The following ZNF804B variants were observed in gnomAD, a reference collection of about 807,000 sequenced individuals.
The protein encoded by ZNF804B is zinc finger 804B.
Under a neutral mutation model 101.4 loss-of-function variants are expected in ZNF804B, and 80 were observed. The ratio of observed to expected loss-of-function variants is 0.79; its 90% CI spans 0.66 to 0.95. The LOEUF is 0.95. ZNF804B is among the 40% of genes least tolerant of loss of function. ZNF804B has a pLI of 0.00. For synonymous variants in ZNF804B, 622 were observed against 558.8 expected, an observed-to-expected ratio of 1.11 and a Z score of -1.59; for missense variants, 1,673 against 1,561.9, an observed-to-expected ratio of 1.07 and a Z score of -1.20.
intron 2 of ZNF804B, among the ~76,000 whole-genome samples, chr7:89,266,807 C>A (rs1472206953): frequency 1.3e-5 from 2 of 151,728 alleles, no homozygotes; most frequent in Non-Finnish European, 2.9e-5. Context: ...AATTATTTAT[C>A]CTTTTCAGGA....
chr7:89,316,896 A>G (rs1299150891), intron 2 of ZNF804B, among the ~76,000 whole-genome samples: 5 of 152,188 alleles, frequency 3.3e-5, no homozygotes, highest in Non-Finnish European at 5.9e-5. Flanking sequence ...GAAACAGGAA[A>G]AACAAGGAAA....
intron 2 of ZNF804B, among the ~76,000 whole-genome samples, chr7:89,319,124 T>C (rs1209172685): frequency 6.6e-6 from 1 of 152,122 alleles, no homozygotes; most frequent in East Asian, 1.9e-4. Context: ...CTCGTTCCTG[T>C]AAACCCACAA....
intron 2 of ZNF804B, among the ~76,000 whole-genome samples, chr7:89,285,546 A>AAGAAGAAGAAG (rs1554389598): frequency 1.1e-5 from 1 of 93,422 alleles, no homozygotes; most frequent in Admixed American, 1.2e-4. Context: ...AAAAAAAAAA[A>AAGAAGAAGAAG]AAGAAGAAGA....
Position 88,765,938 on chromosome 7 carries a change from C to T in ZNF804B, c.108+5854C>T, listed in dbSNP as rs569922991. On this transcript the variant is annotated intron_variant, in intron 1 of 3. Coordinates refer to ENST00000333190, the MANE Select transcript of ZNF804B (RefSeq NM_181646.5). ...AAATTCTGGAAAAATAAATTACTTT[C>T]TACCTTAGACAGCATTTTCAGTTGT... 2.0e-5 allele frequency among the ~76,000 whole-genome samples: 3 copies of T among 152,154 alleles called. No individual in the cohort carries two copies. In the South Asian group the frequency reaches 6.2e-4, roughly 31 times the overall value.
At chr7:88,950,545 C>T (rs574497465) in intron 1 of ZNF804B, among the ~76,000 whole-genome samples, 4 of 151,940 alleles carry the variant, frequency 2.6e-5, no homozygotes. Context: ...ACATATAAGA[C>T]TTAATGCCCA....
intron 2 of ZNF804B, among the ~76,000 whole-genome samples, chr7:89,237,440 C>T (rs575333591): frequency 2.6e-5 from 4 of 152,262 alleles, no homozygotes; most frequent in African/African-American, 7.2e-5. Flanking sequence ...AGATCTGTCC[C>T]ATCCACTTGA....
chr7:88,899,635 G>A (rs940619936), intron 1 of ZNF804B, among the ~76,000 whole-genome samples: 1 of 151,802 alleles, frequency 6.6e-6, no homozygotes, highest in Non-Finnish European at 1.5e-5. Flanking sequence ...TTGCTTTTTT[G>A]TTTAAAAGCC....
chr7:89,210,171 T>A (rs1788781038), intron 1 of ZNF804B, among the ~76,000 whole-genome samples: 1 of 150,476 alleles, frequency 6.6e-6, no homozygotes, highest in African/African-American at 2.4e-5. Flanking sequence ...AAGAAATCAA[T>A]CATAACTTTG....
intron 1 of ZNF804B, among the ~76,000 whole-genome samples, chr7:89,078,200 C>A (rs1428636682): frequency 6.6e-6 from 1 of 152,056 alleles, no homozygotes; most frequent in Non-Finnish European, 1.5e-5. Flanking sequence ...TGATGACTAA[C>A]TTTTTCAGAC....
At chr7:88,844,675 A>G (rs1220749431) in intron 1 of ZNF804B, among the ~76,000 whole-genome samples, 3 of 152,216 alleles carry the variant, frequency 2.0e-5, no homozygotes, top group South Asian at 2.1e-4. Context: ...TGGCTGCAGC[A>G]TGATTCCTTC....
intron 1 of ZNF804B, among the ~76,000 whole-genome samples, chr7:88,845,993 C>G (rs1791367666): frequency 6.6e-6 from 1 of 152,156 alleles, no homozygotes; most frequent in African/African-American, 2.4e-5. Context: ...ACATAGAAGT[C>G]TGAGATCTTA....
At chr7:88,992,769 A>C (rs1470787863) in intron 1 of ZNF804B, among the ~76,000 whole-genome samples, 1 of 152,026 alleles carries the variant, frequency 6.6e-6, no homozygotes, top group Non-Finnish European at 1.5e-5. Context: ...TAGGATACAG[A>C]ATCTTGGTGG....
At chr7:89,168,171 G>C (rs535240698) in intron 1 of ZNF804B, among the ~76,000 whole-genome samples, 1 of 151,918 alleles carries the variant, frequency 6.6e-6, no homozygotes, top group Non-Finnish European at 1.5e-5. Flanking sequence ...ATTTCTCTTT[G>C]TAGCCTTTAT....
intron 1 of ZNF804B, among the ~76,000 whole-genome samples, chr7:89,035,929 A>G (rs1437300233): frequency 2.8e-5 from 4 of 144,630 alleles, no homozygotes; most frequent in African/African-American, 1.0e-4. Context: ...ATAATATATT[A>G]ATATATTATA....
At chr7:89,204,856 C>A (rs987534147) in intron 1 of ZNF804B, among the ~76,000 whole-genome samples, 1 of 152,070 alleles carries the variant, frequency 6.6e-6, no homozygotes, top group African/African-American at 2.4e-5. Flanking sequence ...ACACTCTGCC[C>A]AACCCTAAAT....
chr7:89,183,623 T>G (rs185586416), intron 1 of ZNF804B, among the ~76,000 whole-genome samples: 3 of 152,166 alleles, frequency 2.0e-5, no homozygotes, highest in Non-Finnish European at 2.9e-5. Flanking sequence ...CAAGTTCAGG[T>G]AGAGCAAATC....
At chr7:89,037,264 G>A (rs930871393) in intron 1 of ZNF804B, among the ~76,000 whole-genome samples, 3 of 152,018 alleles carry the variant, frequency 2.0e-5, no homozygotes, top group Non-Finnish European at 4.4e-5. Context: ...CATTTAGAAT[G>A]TACAGACCAC....
intron 1 of ZNF804B, among the ~76,000 whole-genome samples, chr7:88,797,106 C>A (rs995608408): frequency 2.6e-5 from 4 of 152,010 alleles, no homozygotes; most frequent in Admixed American, 6.6e-5. Flanking sequence ...ACAAATACCC[C>A]ACTTGTGTCT....
intron 1 of ZNF804B, among the ~76,000 whole-genome samples, chr7:89,048,665 T>G (rs1374716556): frequency 6.6e-6 from 1 of 151,990 alleles, no homozygotes; most frequent in Non-Finnish European, 1.5e-5. Flanking sequence ...TGAAAGATGG[T>G]CTTGAAACAC....
Sources: gnomAD v4.1 joint callset for allele counts (sites outside exome capture counted in the v4.1 genomes callset) on GRCh38, gnomAD v4.1.1 for gene constraint, MANE v1.5 for transcripts, NCBI Gene and HGNC (gene_info 2026-07-23, HGNC 2026-07-21) for gene names.